Variants in KHDRBS2 observed in about 807,000 individuals in gnomAD.
The protein encoded by KHDRBS2 is KH RNA binding domain containing, signal transduction associated 2.
In KHDRBS2, 26 loss-of-function variants were observed where a neutral mutation model predicts 44.3. The ratio of observed to expected loss-of-function variants is 0.59; its 90% CI spans 0.43 to 0.81. The LOEUF is 0.81. Among genes scored for constraint, KHDRBS2 ranks in the 40% least tolerant of loss-of-function variants. The probability of loss-of-function intolerance (pLI) is 0.00; values close to 1 mark genes in which losing one functional copy is unlikely to be tolerated. For synonymous variants in KHDRBS2, 194 were observed against 151.1 expected, an observed-to-expected ratio of 1.28 and a Z score of -2.08; for missense variants, 476 against 433.1, an observed-to-expected ratio of 1.10 and a Z score of -0.88.
the KHDRBS2 span, among the ~76,000 whole-genome samples, chr6:61,600,851 T>C: frequency 6.6e-6 from 1 of 152,220 alleles, no homozygotes; most frequent in Admixed American, 6.5e-5. Flanking sequence ...CTTTCAATCT[T>C]GGCAACATCT....
intron 2 of KHDRBS2, among the ~76,000 whole-genome samples, chr6:62,147,660 C>A (rs1814233564): frequency 6.6e-6 from 1 of 151,838 alleles, no homozygotes; most frequent in African/African-American, 2.4e-5. Context: ...TGAAAATGTG[C>A]CCTTGAATAA....
At chr6:61,851,549 A>G (rs1449061739) in intron 6 of KHDRBS2, among the ~76,000 whole-genome samples, 1 of 152,150 alleles carries the variant, frequency 6.6e-6, no homozygotes, top group Non-Finnish European at 1.5e-5. Context: ...GGAAATCGGG[A>G]CACAGACAAT....
At chr6:61,714,214 C>A (rs12110914) in intron 7 of KHDRBS2, among the ~76,000 whole-genome samples, 6,404 of 151,632 alleles carry the variant, frequency 0.042, 270 homozygotes, top group African/African-American at 0.1. Flanking sequence ...AACAAAAAAA[C>A]CCCCAAATAA....
At chr6:62,228,546 A>C (rs1207196072) in intron 1 of KHDRBS2, among the ~76,000 whole-genome samples, 5 of 151,450 alleles carry the variant, frequency 3.3e-5, no homozygotes, top group Non-Finnish European at 7.4e-5. Context: ...CTCTGCTCTG[A>C]TCTTAGTTAT....
chr6:61,834,568 C>T (rs1014191747), intron 6 of KHDRBS2, among the ~76,000 whole-genome samples: 5 of 151,952 alleles, frequency 3.3e-5, no homozygotes, highest in African/African-American at 4.8e-5. Context: ...GCATTTTTTA[C>T]ATTTGTTCCT....
intron 3 of KHDRBS2, among the ~76,000 whole-genome samples, chr6:62,047,239 A>G (rs902392210): frequency 1.3e-5 from 2 of 151,964 alleles, no homozygotes; most frequent in African/African-American, 4.8e-5. Context: ...CATTTCTCCC[A>G]AACACTGAAT....
intron 4 of KHDRBS2, 50 bp from the exon 5 acceptor site, chr6:61,901,421 C>G: frequency 7.3e-7 from 1 of 1,369,008 alleles, no homozygotes; most frequent in Non-Finnish European, 9.8e-7. Context: ...ATGCCGTTCT[C>G]AGAGTTGGAA....
At chr6:62,240,056 T>C (rs1013246806) in intron 1 of KHDRBS2, among the ~76,000 whole-genome samples, 2 of 152,178 alleles carry the variant, frequency 1.3e-5, no homozygotes, top group African/African-American at 2.4e-5. Flanking sequence ...GCTCTGAAGA[T>C]GGTACAGAGT....
At chr6:61,908,364 G>T (rs1251824840) in intron 4 of KHDRBS2, among the ~76,000 whole-genome samples, 1 of 152,100 alleles carries the variant, frequency 6.6e-6, no homozygotes, top group East Asian at 1.9e-4. Context: ...GCTGGGCGTG[G>T]TGGCTCATAC....
At chr6:61,799,767 A>G (rs1785970426) in intron 6 of KHDRBS2, among the ~76,000 whole-genome samples, 1 of 152,112 alleles carries the variant, frequency 6.6e-6, no homozygotes, top group African/African-American at 2.4e-5. Context: ...AGGAGATTGA[A>G]GGATAATCCT....
chr6:62,172,286 T>A (rs753649547), intron 2 of KHDRBS2, among the ~76,000 whole-genome samples: 2 of 152,032 alleles, frequency 1.3e-5, no homozygotes, highest in Non-Finnish European at 2.9e-5. Flanking sequence ...GGGTTGCTAC[T>A]CTAATTTCAG....
downstream of KHDRBS2, among the ~76,000 whole-genome samples, chr6:61,675,689 A>G (rs1765892040): frequency 6.6e-6 from 1 of 151,862 alleles, no homozygotes; most frequent in Admixed American, 6.6e-5. Context: ...GAGTTCAGTA[A>G]TACTTTTTGT....
intron 1 of KHDRBS2, among the ~76,000 whole-genome samples, chr6:62,179,166 G>C (rs1563011532): frequency 6.6e-6 from 1 of 151,514 alleles, no homozygotes; most frequent in African/African-American, 2.4e-5. Context: ...TTATTTTGGA[G>C]TAATATTACA....
In KHDRBS2 at chr6:61,722,659, A is replaced by G. The variant is rs536059247; in HGVS notation, c.893+10023T>C. 2.0e-5 allele frequency among the ~76,000 whole-genome samples: 3 copies of G among 152,044 alleles called. No homozygotes were observed. In the South Asian group the frequency reaches 6.2e-4, roughly 31 times the overall value. On this transcript the variant is annotated intron_variant, in intron 7 of 8. Coordinates refer to ENST00000281156, the MANE Select transcript of KHDRBS2 (RefSeq NM_152688.4). The stretch of plus-strand genomic sequence containing the variant: ...TCTGATTTAGACTGTGACAGTGCTC[A>G]TATAATATTAATATTGTTTGTAAAT...
chr6:61,965,407 A>G (rs1176401303), intron 4 of KHDRBS2, among the ~76,000 whole-genome samples: 1 of 152,090 alleles, frequency 6.6e-6, no homozygotes, highest in African/African-American at 2.4e-5. Flanking sequence ...TATTTACCAG[A>G]TGACAAAAGT....
At chr6:61,872,137 C>T (rs1412240699) in intron 6 of KHDRBS2, among the ~76,000 whole-genome samples, 1 of 151,628 alleles carries the variant, frequency 6.6e-6, no homozygotes, top group Non-Finnish European at 1.5e-5. Flanking sequence ...AATCTAAAGC[C>T]AAAATGTCAC....
chr6:61,742,027 T>C (rs1361368068), intron 6 of KHDRBS2, among the ~76,000 whole-genome samples: 1 of 151,762 alleles, frequency 6.6e-6, no homozygotes, highest in East Asian at 1.9e-4. Flanking sequence ...GAGAGAAAAA[T>C]AAAGTGAAAA....
rs574356478 is a variant in KHDRBS2, at chr6:62,011,637, C to T, written c.337-33425G>A. Among the ~76,000 whole-genome samples, 12 of 152,246 alleles carry T rather than the reference C, an allele frequency of 7.9e-5. No homozygotes were observed. The East Asian group carries it at 2.3e-3, about 29-fold the overall frequency. On this transcript the variant is annotated intron_variant, in intron 3 of 8. Coordinates refer to ENST00000281156, the MANE Select transcript of KHDRBS2 (RefSeq NM_152688.4). ...CAATGACAGTGATACCATTAATACT[C>T]TTGGCTAGCCCATTTGCTCCTTCCT...
At chr6:61,983,703 T>C (rs1774446187) in intron 3 of KHDRBS2, among the ~76,000 whole-genome samples, 1 of 152,148 alleles carries the variant, frequency 6.6e-6, no homozygotes, top group Non-Finnish European at 1.5e-5. Flanking sequence ...TCAGTTATCA[T>C]TATTGCTTCA....
Sources: allele counts gnomAD v4.1 joint callset (sites outside exome capture counted in the v4.1 genomes callset), GRCh38; gene constraint gnomAD v4.1.1; transcripts MANE v1.5; gene names NCBI Gene and HGNC (gene_info 2026-07-23, HGNC 2026-07-21).